The following NKAIN2 variants were observed in gnomAD, a reference collection of about 807,000 sequenced individuals.
The protein encoded by NKAIN2 is sodium/potassium-transporting ATPase subunit beta-1-interacting protein 2.
In NKAIN2, 14 loss-of-function variants were observed where a neutral mutation model predicts 32.6. That is an observed-to-expected ratio of 0.43 (90% CI 0.28 to 0.67). The LOEUF (loss-of-function observed/expected upper bound fraction) is 0.67. Among genes scored for constraint, NKAIN2 ranks in the 30% least tolerant of loss-of-function variants. The pLI, the probability that NKAIN2 is intolerant of heterozygous loss-of-function variation, is 0.17. For synonymous variants in NKAIN2, 80 were observed against 87.2 expected (o/e 0.92, Z 0.46); for missense variants, 198 against 258.3 (o/e 0.77, Z 1.60).
intron 2 of NKAIN2, among the ~76,000 whole-genome samples, chr6:124,347,369 T>C (rs1247206350): frequency 6.6e-6 from 1 of 152,090 alleles, no homozygotes; most frequent in Non-Finnish European, 1.5e-5. Flanking sequence ...TTCCTGAATC[T>C]GAATGTTGGC....
At chr6:124,080,738 T>TC (rs11291321) in intron 1 of NKAIN2, among the ~76,000 whole-genome samples, 5 of 151,534 alleles carry the variant, frequency 3.3e-5, no homozygotes, top group South Asian at 2.1e-4. Flanking sequence ...GCAAAAACAC[T>TC]CCCCCCCTCC....
intron 3 of NKAIN2, among the ~76,000 whole-genome samples, chr6:124,361,007 G>T (rs1799264361): frequency 6.6e-6 from 1 of 152,012 alleles, no homozygotes; most frequent in Non-Finnish European, 1.5e-5. Context: ...TGGTTCCCTT[G>T]ATCATATATC....
At chr6:124,489,241 T>C (rs1323893662) in intron 3 of NKAIN2, among the ~76,000 whole-genome samples, 1 of 151,942 alleles carries the variant, frequency 6.6e-6, no homozygotes, top group Non-Finnish European at 1.5e-5. Context: ...TTTACCTCTT[T>C]GTGTGAGCTA....
intron 1 of NKAIN2, among the ~76,000 whole-genome samples, chr6:123,814,406 A>G (rs1773606937): frequency 1.3e-5 from 2 of 152,204 alleles, no homozygotes; most frequent in Admixed American, 6.5e-5. Context: ...GAATAGATTT[A>G]TTTTTATTCA....
intron 3 of NKAIN2, among the ~76,000 whole-genome samples, chr6:124,576,394 C>T (rs1781335668): frequency 6.6e-6 from 1 of 152,096 alleles, no homozygotes; most frequent in Non-Finnish European, 1.5e-5. Flanking sequence ...AGCGGTAGAA[C>T]TCAAATTTGA....
At chr6:124,584,345 A>G (rs1163229677) in intron 3 of NKAIN2, among the ~76,000 whole-genome samples, 1 of 152,190 alleles carries the variant, frequency 6.6e-6, no homozygotes, top group African/African-American at 2.4e-5. Context: ...ATCTGAATAG[A>G]CATTTCTCAA....
intron 4 of NKAIN2, among the ~76,000 whole-genome samples, chr6:124,747,546 C>G (rs1468689016): frequency 6.6e-6 from 1 of 151,828 alleles, no homozygotes; most frequent in Admixed American, 6.6e-5. Context: ...GAAGCCAGAG[C>G]TGTAAACGTG....
At chr6:124,451,215 C>T (rs1160628321) in intron 3 of NKAIN2, among the ~76,000 whole-genome samples, 1 of 152,052 alleles carries the variant, frequency 6.6e-6, no homozygotes, top group Non-Finnish European at 1.5e-5. Context: ...TTCCATTTTA[C>T]TTTAGGCCCA....
intron 3 of NKAIN2, among the ~76,000 whole-genome samples, chr6:124,460,143 C>T (rs564534665): frequency 6.6e-6 from 1 of 151,692 alleles, no homozygotes. Context: ...ATGTAGAGTT[C>T]TTTAGCCTTC....
At chr6:124,292,150 C>A (rs1186801745) in intron 2 of NKAIN2, among the ~76,000 whole-genome samples, 2 of 152,088 alleles carry the variant, frequency 1.3e-5, no homozygotes, top group African/African-American at 4.8e-5. Flanking sequence ...CTGGCTGATT[C>A]TAAAAGTGGT....
intron 3 of NKAIN2, among the ~76,000 whole-genome samples, chr6:124,434,180 T>G (rs1223763007): frequency 6.6e-6 from 1 of 152,158 alleles, no homozygotes; most frequent in Non-Finnish European, 1.5e-5. Flanking sequence ...TAGCAATTGC[T>G]CTTGCTGATT....
intron 4 of NKAIN2, among the ~76,000 whole-genome samples, chr6:124,735,649 GTC>G (rs1348493421): frequency 6.6e-6 from 1 of 151,756 alleles, no homozygotes; most frequent in Non-Finnish European, 1.5e-5. Context: ...CTCACTTCAT[GTC>G]TCTGTGTCAC....
At chr6:123,919,743 C>T (rs1756984219) in intron 1 of NKAIN2, among the ~76,000 whole-genome samples, 2 of 152,104 alleles carry the variant, frequency 1.3e-5, no homozygotes, top group African/African-American at 4.8e-5. Context: ...AATAATCTCT[C>T]ACCTACCAAA....
At chr6:123,911,812 T>TAC (rs60501930) in intron 1 of NKAIN2, among the ~76,000 whole-genome samples, 6,605 of 84,954 alleles carry the variant, frequency 0.078, 448 homozygotes, top group Non-Finnish European at 0.098. Flanking sequence ...TATATATATA[T>TAC]ACACACACAC....
chr6:124,735,093 T>C (rs1020252229), intron 4 of NKAIN2, among the ~76,000 whole-genome samples: 9 of 151,900 alleles, frequency 5.9e-5, no homozygotes, highest in African/African-American at 1.9e-4. Context: ...AATTTAAAAA[T>C]GAAGAATTAA....
At chr6:124,305,966 A>C (rs557521387) in intron 2 of NKAIN2, among the ~76,000 whole-genome samples, 1 of 151,062 alleles carries the variant, frequency 6.6e-6, no homozygotes, top group Non-Finnish European at 1.5e-5. Flanking sequence ...TTTATATTTA[A>C]TTTCTCCCAA....
chr6:124,673,016 TAC>T (rs1352963344), intron 4 of NKAIN2, among the ~76,000 whole-genome samples: 1 of 152,062 alleles, frequency 6.6e-6, no homozygotes, highest in Non-Finnish European at 1.5e-5. Context: ...GCTGAAAATA[TAC>T]ACTCATTGAA....
intron 1 of NKAIN2, among the ~76,000 whole-genome samples, chr6:123,988,889 G>A (rs930015770): frequency 4.3e-5 from 6 of 140,458 alleles, no homozygotes; most frequent in African/African-American, 1.3e-4. Flanking sequence ...GTGTGTGTGT[G>A]TGTGTGTGTG....
chr6:124,038,519 A>G (rs1781710828), intron 1 of NKAIN2, among the ~76,000 whole-genome samples: 1 of 152,106 alleles, frequency 6.6e-6, no homozygotes, highest in African/African-American at 2.4e-5. Context: ...GGCCTATGTG[A>G]AAAGTTTTAT....
Sources: allele counts gnomAD v4.1 joint callset (sites outside exome capture counted in the v4.1 genomes callset), GRCh38; gene constraint gnomAD v4.1.1; transcripts MANE v1.5; gene names NCBI Gene and HGNC (gene_info 2026-07-23, HGNC 2026-07-21).